SPEN: variants seen among roughly 807,000 people sequenced by gnomAD.
SPEN encodes spen family transcriptional repressor, also known as msx2-interacting protein.
A neutral mutation model predicts 269.9 loss-of-function variants in SPEN; 18 were observed. The observed-to-expected ratio is 0.07, with a 90% CI of 0.05 to 0.10. The LOEUF (loss-of-function observed/expected upper bound fraction) is 0.10. Among genes scored for constraint, SPEN ranks in the 10% least tolerant of loss-of-function variants. The pLI, the probability that SPEN is intolerant of heterozygous loss-of-function variation, is 1.00. For synonymous variants in SPEN, 1,726 were observed against 1,765.7 expected (o/e 0.98, Z 0.56); for missense variants, 3,822 against 4,631.2 (o/e 0.83, Z 5.07).
chr1:15,936,782 A>G (rs901546016), intron 11 of SPEN, among the ~76,000 whole-genome samples: 2 of 152,208 alleles, frequency 1.3e-5, no homozygotes, highest in Non-Finnish European at 2.9e-5. Flanking sequence ...ACTTAAAGAA[A>G]AAGAAATCCG....
Position 15,929,858 on chromosome 1 carries a change from C to T in SPEN, c.3618C>T (p.Ser1206=). The T allele has an allele frequency of 1.2e-6, 2 of 1,614,178 alleles. No individual in the cohort carries two copies. Among genetic ancestry groups the T allele is most frequent in the Non-Finnish European group, 1.7e-6 (2 of 1,180,040 alleles). ...ATGTAGATGAATATGAAAGACGTAG[C>T]CTCGTTCACGAGGTAGGCAAACCCC... The part of the protein sequence containing the change: ...KKDVDEYERR[S]LVHEVGKPPQ... The change falls in exon 11 of 15, where the codon AGC becomes AGT. Residue 1206 remains serine (S), a synonymous_variant. Transcript: ENST00000375759. The surrounding 1 kb of genome is among the most constrained non-coding windows in gnomAD (Gnocchi z 5.8).
chr1:15,872,222 CAAA>C (rs58028111), intron 1 of SPEN, among the ~76,000 whole-genome samples: 4 of 62,164 alleles, frequency 6.4e-5, no homozygotes, highest in Admixed American at 2.0e-4. Context: ...GACTCTGTCT[CAAA>C]AAAAAAAAAA....
At chr1:15,849,595 G>C (rs2070312639) in intron 1 of SPEN, among the ~76,000 whole-genome samples, 1 of 151,642 alleles carries the variant, frequency 6.6e-6, no homozygotes. Flanking sequence ...TGTTTACTAC[G>C]TCGTGCCTGA....
chr1:15,924,456 A>G (rs2071148404), intron 10 of SPEN, among the ~76,000 whole-genome samples: 1 of 152,010 alleles, frequency 6.6e-6, no homozygotes, highest in Admixed American at 6.6e-5. Context: ...ACTACTTAAA[A>G]TCTATTTTTT....
At position 15,876,162 on chromosome 1, in the gene SPEN, C is replaced by CTCCTT. The variant is rs772685096; in HGVS notation, c.405-37_405-33dup. ...CATGACTTGCTTTTAGTTTTGCTTG[C>CTCCTT]TCCTTTCTGATTAAATATTTTTCCC... On this transcript the variant is annotated intron_variant, in intron 2 of 14. Coordinates refer to ENST00000375759, the MANE Select transcript of SPEN (RefSeq NM_015001.3). 1.1e-5 allele frequency: 16 copies of CTCCTT among 1,521,078 alleles called. 1 individual carries two copies. The highest frequency in any genetic ancestry group is 1.5e-5 in the Non-Finnish European group (16 of 1,102,664). The allele number at this position is 1,521,078 out of a possible 1,614,324, so 94.2% of individuals were successfully genotyped here.
Position 15,928,410 on chromosome 1 carries a change from C to G in SPEN, c.2170C>G (p.Arg724Gly). The G allele has an allele frequency of 6.2e-7, 1 of 1,614,100 alleles. No individual in the cohort carries two copies. The highest frequency in any genetic ancestry group is 1.1e-5 in the South Asian group (1 of 91,076). The change falls in exon 11 of 15, where the codon CGA becomes GGA. Residue 724 changes from arginine (R) to glycine (G), a missense_variant. Arg to Gly is a moderately radical substitution (Grantham distance 125, BLOSUM62 -2). Coordinates refer to ENST00000375759, the MANE Select transcript of SPEN (RefSeq NM_015001.3). This position sits in a 1 kb window ranked among gnomAD's most constrained non-coding sequence, Gnocchi z 5.7. ...DRDHERRPIE[R>G]SQSPVHLRRP... Reference sequence around the variant, plus strand: ...AGACCATGAGAGGAGGCCGATTGAACGAAGTCAAAGTCCTGTTCACTTGCG... The same window carrying G: ...AGACCATGAGAGGAGGCCGATTGAAGGAAGTCAAAGTCCTGTTCACTTGCG...
chr1:15,858,320 C>T (rs1177825187), intron 1 of SPEN, among the ~76,000 whole-genome samples: 2 of 151,750 alleles, frequency 1.3e-5, no homozygotes, highest in Non-Finnish European at 2.9e-5. Context: ...CACCAGTTAA[C>T]ATTTTGTCAC....
Position 15,932,487 on chromosome 1 carries a change from T to A in SPEN, c.6247T>A (p.Ser2083Thr). The change falls in exon 11 of 15, where the codon TCC becomes ACC. Residue 2083 changes from serine to threonine, a missense_variant. Ser to Thr is a moderately conservative substitution (Grantham distance 58, BLOSUM62 1). Coordinates refer to ENST00000375759, the MANE Select transcript of SPEN (RefSeq NM_015001.3). The surrounding 1 kb of genome is among the most constrained non-coding windows in gnomAD (Gnocchi z 4.2). Reference protein sequence around the residue: ...SKSKRGRSRNSRLAVDKSASL... With the variant: ...SKSKRGRSRNTRLAVDKSASL... ...ATCAAAGAGAGGAAGATCTCGAAAC[T>A]CCAGGTTAGCAGTGGACAAATCTGC... The A allele has an allele frequency of 2.5e-6, 4 of 1,610,770 alleles. No individual in the cohort carries two copies. The highest frequency in any genetic ancestry group is 3.4e-6 in the Non-Finnish European group (4 of 1,178,664).
intron 2 of SPEN, among the ~76,000 whole-genome samples, chr1:15,875,824 A>G (rs942842564): frequency 6.6e-6 from 1 of 152,218 alleles, no homozygotes; most frequent in African/African-American, 2.4e-5. Flanking sequence ...AAAATTTGGT[A>G]TATACTTTAA....
chr1:15,901,825 C>G (rs899894943), intron 3 of SPEN, among the ~76,000 whole-genome samples: 3 of 151,114 alleles, frequency 2.0e-5, no homozygotes, highest in Non-Finnish European at 4.4e-5. Flanking sequence ...TGGACAGTAT[C>G]TATTGACATT....
intron 3 of SPEN, among the ~76,000 whole-genome samples, chr1:15,904,452 CAAAAAAAAAAAA>C (rs1215369183): frequency 8.2e-5 from 4 of 48,668 alleles, no homozygotes; most frequent in Non-Finnish European, 1.7e-4. Flanking sequence ...AACTCCATCT[CAAAAAAAAAAAA>C]AAAAAAAAAA....
Position 15,933,257 on chromosome 1 carries a change from C to T in SPEN, c.7017C>T (p.Arg2339=). 1.2e-6 allele frequency: 2 copies of T among 1,614,162 alleles called. No individual in the cohort carries two copies. The highest frequency in any genetic ancestry group is 1.1e-5 in the South Asian group (1 of 91,086). The stretch of plus-strand genomic sequence containing the variant: ...GGCGCCAGAAAACAACCCGATCACG[C>T]CGCAAGCGAAACACAAACAAGAAAG... ...DKGRQKTTRS[R]RKRNTNKKVV... The change falls in exon 11 of 15, where the codon CGC becomes CGT. Residue 2339 remains arginine, a synonymous_variant. Transcript: ENST00000375759. This position sits in a 1 kb window ranked among gnomAD's most constrained non-coding sequence, Gnocchi z 5.7.
At chr1:15,917,871 A>C (rs1347850902) in intron 6 of SPEN, 1 of 152,798 alleles carries the variant, frequency 6.5e-6, no homozygotes, top group African/African-American at 2.4e-5. Context: ...CTTGGCCAGA[A>C]AGTCACACAT....
intron 3 of SPEN, among the ~76,000 whole-genome samples, chr1:15,903,347 A>G (rs982380310): frequency 6.6e-6 from 1 of 152,228 alleles, no homozygotes; most frequent in Non-Finnish European, 1.5e-5. Context: ...ATTACAAATT[A>G]TAAGAAATAA....
At chr1:15,859,869 G>A (rs185866580) in intron 1 of SPEN, among the ~76,000 whole-genome samples, 153 of 143,618 alleles carry the variant, frequency 1.1e-3, no homozygotes, top group African/African-American at 3.5e-3. Context: ...GAGAGGCTCA[G>A]GTATTTAATA....
Position 15,933,174 on chromosome 1 carries a change from G to A in SPEN, c.6934G>A (p.Val2312Met). Residue 2312 changes from valine (V) to methionine (M), a missense_variant, in exon 11 of 15, where the codon GTG becomes ATG. This residue lies in a region of SPEN where 727 missense variants were observed against 737.9 expected (regional missense o/e 0.99). Coordinates refer to ENST00000375759, the MANE Select transcript of SPEN (RefSeq NM_015001.3). The surrounding 1 kb of genome is among the most constrained non-coding windows in gnomAD (Gnocchi z 5.7). ...AAATAGCAGTGAAACCTCACACTCA[G>A]TGCCAGAAGCCAAAGGGTCTAAAGA... ...RGNSSETSHS[V>M]PEAKGSKEVE... 4 of 1,614,196 alleles carry A rather than the reference G, an allele frequency of 2.5e-6. No individual in the cohort carries two copies. The highest frequency in any genetic ancestry group is 3.4e-6 in the Non-Finnish European group (4 of 1,180,044).
intron 4 of SPEN, among the ~76,000 whole-genome samples, chr1:15,910,124 TAAAAAAA>T (rs57198076): frequency 3.0e-5 from 2 of 65,688 alleles, no homozygotes; most frequent in Non-Finnish European, 5.8e-5. Context: ...ACTCTGTCTC[TAAAAAAA>T]AAAAAAAAAA....
Position 15,931,211 on chromosome 1 carries a change from C to A in SPEN, c.4971C>A (p.Thr1657=). The change falls in exon 11 of 15, where the codon ACC becomes ACA. Residue 1657 remains threonine, a synonymous_variant. Coordinates refer to ENST00000375759, the MANE Select transcript of SPEN (RefSeq NM_015001.3). This position sits in a 1 kb window ranked among gnomAD's most constrained non-coding sequence, Gnocchi z 4.8. ...CAGCCCCATCAGCACTAGAGAAGAC[C>A]ACTGGTGACAAAACGGTAGAGGCGC... is the stretch of plus-strand genomic sequence containing the variant. ...LESAPSALEK[T]TGDKTVEAPL... The A allele has an allele frequency of 6.2e-7, 1 of 1,614,154 alleles. No homozygotes were observed. Among genetic ancestry groups the A allele is most frequent in the Non-Finnish European group, 8.5e-7 (1 of 1,180,042 alleles).
intron 3 of SPEN, among the ~76,000 whole-genome samples, chr1:15,906,937 CTAATTTTT>C: frequency 6.6e-6 from 1 of 151,756 alleles, no homozygotes; most frequent in East Asian, 1.9e-4. Context: ...CCATGCCCAG[CTAATTTTT>C]TAATTTTTCT....
Sources: allele counts gnomAD v4.1 joint callset (sites outside exome capture counted in the v4.1 genomes callset), GRCh38; gene constraint gnomAD v4.1.1; regional missense constraint gnomAD v4.1.1; non-coding constraint Gnocchi (gnomAD v3.1); transcripts MANE v1.5; gene names NCBI Gene and HGNC (gene_info 2026-07-23, HGNC 2026-07-21).